MAD1L1: variants seen among roughly 807,000 people sequenced by gnomAD.
MAD1L1 encodes mitotic spindle assembly checkpoint protein MAD1.
MAD1L1 carries 95 observed loss-of-function variants against 96.9 expected under a neutral mutation model. The ratio of observed to expected loss-of-function variants is 0.98; its 90% CI spans 0.83 to 1.16. MAD1L1 has a LOEUF of 1.16. Ranked by LOEUF, MAD1L1 falls within the 50% of genes most tolerant of loss-of-function variation. The probability of loss-of-function intolerance (pLI) is 0.00; values close to 1 mark genes in which losing one functional copy is unlikely to be tolerated. For synonymous variants in MAD1L1, 473 were observed against 396.6 expected (o/e 1.19, Z -2.29); for missense variants, 1,007 against 954.4 (o/e 1.06, Z -0.73).
At chr7:2,099,186 C>A (rs1224091652) in intron 11 of MAD1L1, among the ~76,000 whole-genome samples, 1 of 152,230 alleles carries the variant, frequency 6.6e-6, no homozygotes. Flanking sequence ...ACCGCTAACA[C>A]TGGTGACCAG....
chr7:2,152,349 C>A (rs1453127353), intron 10 of MAD1L1, among the ~76,000 whole-genome samples: 1 of 152,338 alleles, frequency 6.6e-6, no homozygotes, highest in Admixed American at 6.5e-5. Flanking sequence ...CAACACCTCC[C>A]ACGGGCAGAA....
chr7:1,833,628 G>C (rs1782810597), intron 18 of MAD1L1, among the ~76,000 whole-genome samples: 2 of 152,196 alleles, frequency 1.3e-5, no homozygotes, highest in Non-Finnish European at 2.9e-5. Context: ...TAACATTCTG[G>C]ATGGACCTTA....
At chr7:2,044,148 T>C (rs1017620453) in intron 12 of MAD1L1, among the ~76,000 whole-genome samples, 3 of 152,234 alleles carry the variant, frequency 2.0e-5, no homozygotes, top group Non-Finnish European at 2.9e-5. Context: ...ATAAAAATCA[T>C]AGCGAATGCT....
intron 18 of MAD1L1, among the ~76,000 whole-genome samples, chr7:1,884,963 T>G (rs1172713453): frequency 6.6e-6 from 1 of 152,070 alleles, no homozygotes; most frequent in Non-Finnish European, 1.5e-5. Context: ...ATAGGCAAAG[T>G]TCATCTCAGC....
chr7:1,866,855 G>GCAGCTCAGCTGC (rs1784802994), intron 18 of MAD1L1, among the ~76,000 whole-genome samples: 1 of 152,224 alleles, frequency 6.6e-6, no homozygotes, highest in East Asian at 1.9e-4. Context: ...GGAGAGATGG[G>GCAGCTCAGCTGC]CAGCTCAGCT....
At chr7:2,124,653 G>A (rs1011350359) in intron 11 of MAD1L1, among the ~76,000 whole-genome samples, 15 of 152,156 alleles carry the variant, frequency 9.9e-5, no homozygotes, top group African/African-American at 3.4e-4. Context: ...GGGGCTCCAC[G>A]CCTCCCCAGG....
At chr7:1,983,140 GCGCGCGCGCGCGCGCA>G (rs1026427124) in intron 14 of MAD1L1, among the ~76,000 whole-genome samples, 10 of 99,200 alleles carry the variant, frequency 1.0e-4, no homozygotes, top group African/African-American at 1.6e-4. Flanking sequence ...AGACGCGCGC[GCGCGCGCGCGCGCGCA>G]CACACACACA....
rs551427618 is a variant in MAD1L1, at chr7:1,886,569, G to A, written c.1998+11631C>T. Among the ~76,000 whole-genome samples the A allele has an allele frequency of 1.4e-4, 22 of 152,366 alleles. No homozygotes were observed. The South Asian group carries it at 4.1e-3, about 29-fold the overall frequency. ...GCGGGAGAGGGCCCACCTGGGGCTC[G>A]CACACCACACTGTGTCTGCAAACAG... On this transcript the variant is annotated intron_variant, in intron 18 of 18. Coordinates refer to ENST00000265854, the MANE Select transcript of MAD1L1 (RefSeq NM_001013836.2).
chr7:2,163,069 A>G (rs1790245003), intron 10 of MAD1L1, among the ~76,000 whole-genome samples: 1 of 152,218 alleles, frequency 6.6e-6, no homozygotes, highest in African/African-American at 2.4e-5. Context: ...CTTTGTCTTC[A>G]CAGAAACATT....
chr7:1,827,528 C>CCTG, intron 18 of MAD1L1, among the ~76,000 whole-genome samples: 1 of 133,750 alleles, frequency 7.5e-6, no homozygotes, highest in Admixed American at 7.5e-5. Flanking sequence ...CCTCCTGAGC[C>CCTG]CGTCCCGGGT....
At chr7:1,882,880 G>A (rs1307398739) in intron 18 of MAD1L1, among the ~76,000 whole-genome samples, 2 of 152,002 alleles carry the variant, frequency 1.3e-5, no homozygotes, top group Admixed American at 1.3e-4. Context: ...GTAGAGAACT[G>A]AAGTCTTGAG....
intron 15 of MAD1L1, among the ~76,000 whole-genome samples, chr7:1,972,144 G>C (rs1413940355): frequency 6.6e-6 from 1 of 152,186 alleles, no homozygotes; most frequent in African/African-American, 2.4e-5. Context: ...CATATGTGTG[G>C]ATGTGTGCGC....
chr7:1,852,519 C>T lies in MAD1L1; in HGVS notation c.1999-36291G>A, dbSNP rs531134015. 2.0e-5 allele frequency among the ~76,000 whole-genome samples: 3 copies of T among 152,302 alleles called. No homozygotes were observed. In the South Asian group the frequency reaches 6.2e-4, roughly 32 times the overall value. Reference sequence around the variant, plus strand: ...GGGCGGAGAGGCTGGGGCAGCCAGGCTTCCACCCTGGCCCGACCGCCGCCA... The same window carrying T: ...GGGCGGAGAGGCTGGGGCAGCCAGGTTTCCACCCTGGCCCGACCGCCGCCA... On this transcript the variant is annotated intron_variant, in intron 18 of 18. Transcript: ENST00000265854.
At chr7:2,022,921 AAGGAAACGATC>A (rs1417174236) in intron 12 of MAD1L1, among the ~76,000 whole-genome samples, 8 of 152,350 alleles carry the variant, frequency 5.3e-5, no homozygotes, top group Admixed American at 2.0e-4. Context: ...CAGGCAGAAC[AAGGAAACGATC>A]AGGAATGAAA....
chr7:2,001,698 G>C (rs1406147353), intron 14 of MAD1L1, among the ~76,000 whole-genome samples: 1 of 152,258 alleles, frequency 6.6e-6, no homozygotes, highest in Non-Finnish European at 1.5e-5. Flanking sequence ...TGTGTGGTCG[G>C]GACAGGGGTC....
intron 10 of MAD1L1, among the ~76,000 whole-genome samples, chr7:2,184,364 C>T (rs1424952056): frequency 6.6e-6 from 1 of 152,072 alleles, no homozygotes; most frequent in Non-Finnish European, 1.5e-5. Context: ...GCCACACAAC[C>T]GCTGGAATAA....
In MAD1L1 at chr7:2,124,475, G is replaced by A. The variant is rs183516886; in HGVS notation, c.1073+24677C>T. On this transcript the variant is annotated intron_variant, in intron 11 of 18. Coordinates refer to ENST00000265854, the MANE Select transcript of MAD1L1 (RefSeq NM_001013836.2). ...AGGCCTGCCTGCTACCAGGGCTAGT[G>A]AGGAAACAGCTGCACCCACAGCCTG... Among the ~76,000 whole-genome samples the A allele has an allele frequency of 8.3e-4, 127 of 152,306 alleles. 1 individual carries two copies. Among genetic ancestry groups the A allele is most frequent in the Middle Eastern group, 3.4e-3 (1 of 294 alleles).
chr7:1,838,990 A>G, intron 18 of MAD1L1: 1 of 366,866 alleles, frequency 2.7e-6, no homozygotes, highest in Non-Finnish European at 5.7e-6. Context: ...CCCAGATTTG[A>G]GGCAGCCAGG....
At chr7:2,012,071 C>T (rs559724929) in intron 13 of MAD1L1, among the ~76,000 whole-genome samples, 14 of 152,318 alleles carry the variant, frequency 9.2e-5, no homozygotes, top group African/African-American at 3.4e-4. Flanking sequence ...GAGTAACCTG[C>T]CCCCACACCC....
Sources: gnomAD v4.1 joint callset for allele counts (sites outside exome capture counted in the v4.1 genomes callset) on GRCh38, gnomAD v4.1.1 for gene constraint, MANE v1.5 for transcripts, NCBI Gene and HGNC (gene_info 2026-07-23, HGNC 2026-07-21) for gene names.